The following SHTN1 variants were observed in gnomAD, a reference collection of about 807,000 sequenced individuals.
The protein encoded by SHTN1 is shootin 1, also known as shootin-1.
A neutral mutation model predicts 83.1 loss-of-function variants in SHTN1; 42 were observed. The ratio of observed to expected loss-of-function variants is 0.51; its 90% CI spans 0.39 to 0.65. The LOEUF (loss-of-function observed/expected upper bound fraction) is 0.65, where lower values mean the gene tolerates loss of function less well. SHTN1 is among the 30% of genes least tolerant of loss of function. SHTN1 has a pLI of 0.00. For synonymous variants in SHTN1, 224 were observed against 247.7 expected (o/e 0.90, Z 0.90); for missense variants, 622 against 737.8 (o/e 0.84, Z 1.82).
chr10:116,949,300 A>T (rs946361176), intron 6 of SHTN1, among the ~76,000 whole-genome samples: 2 of 152,120 alleles, frequency 1.3e-5, no homozygotes, highest in African/African-American at 4.8e-5. Flanking sequence ...TAATTAAAAA[A>T]AAACAAAGAA....
intron 1 of SHTN1, among the ~76,000 whole-genome samples, chr10:117,114,122 T>C (rs1054929481): frequency 4.6e-5 from 7 of 152,264 alleles, no homozygotes; most frequent in Non-Finnish European, 1.0e-4. Context: ...AGTGGGAGGA[T>C]TCCCTGAGCC....
chr10:117,015,333 GTTGT>G (rs1001018438), intron 2 of SHTN1, among the ~76,000 whole-genome samples: 14 of 151,950 alleles, frequency 9.2e-5, no homozygotes, highest in African/African-American at 2.4e-4. Context: ...TGTTTTTGTT[GTTGT>G]TTGTTTGTTT....
intron 12 of SHTN1, among the ~76,000 whole-genome samples, chr10:116,917,417 G>A (rs1286484203): frequency 6.6e-6 from 1 of 152,166 alleles, no homozygotes; most frequent in Non-Finnish European, 1.5e-5. Context: ...CAATTCTCCT[G>A]CCTCAGCCTC....
chr10:116,904,999 A>G (rs1300479508), intron 15 of SHTN1, among the ~76,000 whole-genome samples: 1 of 151,546 alleles, frequency 6.6e-6, no homozygotes, highest in East Asian at 1.9e-4. Context: ...CAGGAGATCG[A>G]GACCATCCTG....
In SHTN1 at chr10:116,883,316, T is replaced by C. The variant is rs1384114770; in HGVS notation, c.*3028A>G. On this transcript the variant is annotated 3_prime_UTR_variant, in exon 17 of 17. Transcript: ENST00000355371. Reference sequence around the variant, plus strand: ...TATATTTATATAACTGTATATATAATATTATCTGTGAAAGAAATGAAAGAA... The same window carrying C: ...TATATTTATATAACTGTATATATAACATTATCTGTGAAAGAAATGAAAGAA... 1.3e-5 allele frequency: 2 copies of C among 152,144 alleles called. No individual in the cohort carries two copies. Among genetic ancestry groups the C allele is most frequent in the East Asian group, 3.9e-4 (2 of 5,192 alleles). 9.4% of individuals were successfully genotyped at this position (152,144 alleles called of 1,614,324 possible). A position where few individuals can be genotyped will look rare whatever the true frequency, so the allele number is the denominator to read the frequency against.
intron 2 of SHTN1, among the ~76,000 whole-genome samples, chr10:117,017,054 G>C (rs1261247431): frequency 6.6e-6 from 1 of 152,026 alleles, no homozygotes; most frequent in Non-Finnish European, 1.5e-5. Flanking sequence ...CTAAGGCTGT[G>C]GCAGGAGGTC....
chr10:116,938,194 T>G (rs1849242105), intron 9 of SHTN1, among the ~76,000 whole-genome samples: 1 of 151,984 alleles, frequency 6.6e-6, no homozygotes, highest in Non-Finnish European at 1.5e-5. Context: ...CTTTGTCCAG[T>G]TTTGCTCCCT....
intron 13 of SHTN1, among the ~76,000 whole-genome samples, chr10:116,912,518 T>C (rs1342627386): frequency 6.6e-6 from 1 of 152,208 alleles, no homozygotes. Flanking sequence ...GAGTTAGGTG[T>C]CTTGATTACA....
chr10:116,940,702 T>G, intron 8 of SHTN1, 90 bp from the exon 9 acceptor site: 1 of 1,088,330 alleles, frequency 9.2e-7, no homozygotes. Context: ...TACATGGAAT[T>G]TTTATTAAAT....
chr10:117,072,285 T>G (rs969813576), intron 1 of SHTN1, among the ~76,000 whole-genome samples: 13 of 152,164 alleles, frequency 8.5e-5, no homozygotes, highest in Admixed American at 2.6e-4. Context: ...TGTGGGACTT[T>G]GTGATTGTGG....
chr10:116,921,620 A>C, intron 11 of SHTN1, 104 bp from the exon 12 acceptor site: 1 of 707,792 alleles, frequency 1.4e-6, no homozygotes, highest in South Asian at 2.0e-5. Flanking sequence ...ATATAACTAG[A>C]ATCTAAGTAG....
intron 2 of SHTN1, among the ~76,000 whole-genome samples, chr10:117,021,721 T>A (rs571392014): frequency 6.6e-6 from 1 of 152,216 alleles, no homozygotes; most frequent in African/African-American, 2.4e-5. Context: ...TATAGACAAA[T>A]ATTCACAGTA....
intron 1 of SHTN1, among the ~76,000 whole-genome samples, chr10:116,987,607 T>C (rs1275395155): frequency 1.3e-5 from 2 of 151,924 alleles, no homozygotes; most frequent in Admixed American, 6.6e-5. Flanking sequence ...AAGGCGAAAC[T>C]ATGGAGACAA....
chr10:117,109,482 G>A (rs1487872088), intron 1 of SHTN1, among the ~76,000 whole-genome samples: 2 of 147,866 alleles, frequency 1.4e-5, no homozygotes, highest in African/African-American at 5.0e-5. Context: ...TGAGTTGGGA[G>A]ATTGTTAGTG....
At chr10:116,943,680 A>G (rs1849468171) in intron 8 of SHTN1, among the ~76,000 whole-genome samples, 1 of 152,210 alleles carries the variant, frequency 6.6e-6, no homozygotes, top group African/African-American at 2.4e-5. Flanking sequence ...TAGCACAGCT[A>G]TGCTCAAGCA....
intron 14 of SHTN1, among the ~76,000 whole-genome samples, chr10:116,908,946 A>G (rs1377092374): frequency 1.3e-5 from 2 of 152,182 alleles, no homozygotes; most frequent in African/African-American, 2.4e-5. Flanking sequence ...TACAAGGGCA[A>G]TTGTGGAGGA....
At position 117,065,852 on chromosome 10, in the gene SHTN1, G is replaced by C. The variant is rs191545873; in HGVS notation, c.-188-17342C>G. Among the ~76,000 whole-genome samples, 135 of 68,936 alleles carry C rather than the reference G, an allele frequency of 2.0e-3. 5 individuals carry two copies. Among genetic ancestry groups the C allele is most frequent in the African/African-American group, 7.5e-3 (123 of 16,404 alleles). 45.2% of individuals were successfully genotyped at this position (68,936 alleles called of 152,430 possible). A position where few individuals can be genotyped will look rare whatever the true frequency, so the allele number is the denominator to read the frequency against. On this transcript the variant is annotated intron_variant, in intron 1 of 17. Transcript: ENST00000392901. ...AGGAAGGAAGGAAGGAAGGAAGGAA[G>C]GAAAGGAGGGAGGGAGGGAGGGAGG...
At chr10:117,084,685 C>T (rs1410286676) in intron 1 of SHTN1, among the ~76,000 whole-genome samples, 3 of 151,982 alleles carry the variant, frequency 2.0e-5, no homozygotes, top group African/African-American at 4.8e-5. Context: ...TAGCAATCAG[C>T]GAGACTCCGT....
upstream of SHTN1, among the ~76,000 whole-genome samples, chr10:117,009,120 A>G (rs928391868): frequency 6.6e-6 from 1 of 152,118 alleles, no homozygotes; most frequent in African/African-American, 2.4e-5. Flanking sequence ...TGTCTCAAAA[A>G]AAAGAAAAGA....
Sources: allele counts gnomAD v4.1 joint callset (sites outside exome capture counted in the v4.1 genomes callset), GRCh38; gene constraint gnomAD v4.1.1; transcripts MANE v1.5; gene names NCBI Gene and HGNC (gene_info 2026-07-23, HGNC 2026-07-21).